POC5: variants seen among roughly 807,000 people sequenced by gnomAD.
POC5 encodes centrosomal protein POC5.
A neutral mutation model predicts 62.9 loss-of-function variants in POC5; 48 were observed. That is an observed-to-expected ratio of 0.76 (90% CI 0.61 to 0.97). The LOEUF (loss-of-function observed/expected upper bound fraction) is 0.97, where lower values mean the gene tolerates loss of function less well. Among genes scored for constraint, POC5 ranks in the 50% least tolerant of loss-of-function variants. The pLI is 0.00. For missense variants in POC5, 696 were observed against 679.5 expected, an observed-to-expected ratio of 1.02 and a Z score of -0.27; for synonymous variants, 236 against 228.2, an observed-to-expected ratio of 1.03 and a Z score of -0.31.
At chr5:75,684,347 C>T (rs1299002341) in intron 10 of POC5, among the ~76,000 whole-genome samples, 1 of 150,918 alleles carries the variant, frequency 6.6e-6, no homozygotes, top group Admixed American at 6.6e-5. Context: ...CAAATTAAAT[C>T]TACTTTTCCT....
intron 10 of POC5, among the ~76,000 whole-genome samples, chr5:75,682,347 C>T (rs1456114970): frequency 3.9e-5 from 6 of 152,118 alleles, no homozygotes; most frequent in Non-Finnish European, 7.4e-5. Flanking sequence ...AATCTAGCTC[C>T]GCGTGTGTTA....
At position 75,674,556 on chromosome 5, in the gene POC5, G is replaced by T. The variant is rs760243497; in HGVS notation, c.1607C>A (p.Ala536Glu). 6.4e-5 allele frequency: 103 copies of T among 1,613,796 alleles called. No homozygotes were observed. Among genetic ancestry groups the T allele is most frequent in the Non-Finnish European group, 8.1e-5 (95 of 1,179,866 alleles). Reference protein sequence around the residue: ...VTVQTIPQATAAKYPRTIHPE... With the variant: ...VTVQTIPQATEAKYPRTIHPE... Reference sequence around the variant, plus strand: ...ATGAATGGTCCGGGGATATTTTGCTGCAGTTGCTTGAGGAATGGTTTGCTG... The same window carrying T: ...ATGAATGGTCCGGGGATATTTTGCTTCAGTTGCTTGAGGAATGGTTTGCTG... The change falls in exon 12 of 12, where the codon GCA becomes GAA. Residue 536 changes from alanine to glutamate, a missense_variant. Ala to Glu is a moderately radical substitution (Grantham distance 107). Transcript: ENST00000428202.
At chr5:75,675,008 C>T (rs1775598659) in intron 11 of POC5, among the ~76,000 whole-genome samples, 4 of 152,182 alleles carry the variant, frequency 2.6e-5, no homozygotes, top group Admixed American at 2.6e-4. Context: ...GATTATCTCA[C>T]AATCCCAGGG....
At chr5:75,701,145 T>C (rs2112169155) in intron 5 of POC5, among the ~76,000 whole-genome samples, 1 of 136,366 alleles carries the variant, frequency 7.3e-6, no homozygotes, top group South Asian at 2.6e-4. Flanking sequence ...GTTCAACCAT[T>C]GTGGAAGTCA....
At chr5:75,710,740 G>A (rs1172324250) in intron 2 of POC5, among the ~76,000 whole-genome samples, 2 of 152,150 alleles carry the variant, frequency 1.3e-5, no homozygotes, top group Non-Finnish European at 2.9e-5. Context: ...TTAATATGAT[G>A]GTGATCTTAT....
At chr5:75,682,618 T>G (rs1284096580) in intron 10 of POC5, among the ~76,000 whole-genome samples, 1 of 149,604 alleles carries the variant, frequency 6.7e-6, no homozygotes, top group Non-Finnish European at 1.5e-5. Context: ...CGGGTTCAAG[T>G]GATTCTTCCA....
chr5:75,700,794 G>A (rs539660369), intron 5 of POC5, among the ~76,000 whole-genome samples: 4 of 139,230 alleles, frequency 2.9e-5, no homozygotes, highest in African/African-American at 7.6e-5. Flanking sequence ...CCTACAAAAC[G>A]GGAGAAAATT....
chr5:75,694,909 CAT>C, intron 5 of POC5, 78 bp from the exon 6 acceptor site: 2 of 1,048,422 alleles, frequency 1.9e-6, no homozygotes, highest in South Asian at 3.7e-5. Context: ...AATAAAGAAA[CAT>C]TAAAAAAATC....
intron 10 of POC5, among the ~76,000 whole-genome samples, chr5:75,679,211 C>G (rs1775785026): frequency 6.6e-6 from 1 of 152,054 alleles, no homozygotes; most frequent in Non-Finnish European, 1.5e-5. Context: ...ATGATGAAAC[C>G]AAAACCAGCT....
At chr5:75,696,608 G>A (rs1776603848) in intron 5 of POC5, among the ~76,000 whole-genome samples, 1 of 151,822 alleles carries the variant, frequency 6.6e-6, no homozygotes, top group African/African-American at 2.4e-5. Flanking sequence ...CAAAGATGGG[G>A]AAAAAACAGA....
At chr5:75,696,460 C>T (rs573472841) in intron 5 of POC5, among the ~76,000 whole-genome samples, 5 of 152,290 alleles carry the variant, frequency 3.3e-5, no homozygotes, top group Admixed American at 3.3e-4. Flanking sequence ...ACTGACACCT[C>T]ACACGGCCGG....
chr5:75,694,624 C>G (rs1474693026), intron 6 of POC5, 31 bp downstream of exon 6: 1 of 1,386,848 alleles, frequency 7.2e-7, no homozygotes, highest in East Asian at 2.5e-5. Context: ...TTTACTGAAT[C>G]TCAGTTAAAA....
chr5:75,702,151 G>A (rs541049620), intron 5 of POC5, among the ~76,000 whole-genome samples: 29 of 152,176 alleles, frequency 1.9e-4, no homozygotes, highest in African/African-American at 6.3e-4. Context: ...ATCACACACC[G>A]GGGCCTGTCA....
Position 75,707,185 on chromosome 5 carries a change from C to T in POC5, c.223+552G>A, listed in dbSNP as rs74329414. ...GAATGGAGGTAAAAGGAGCTTTATC[C>T]TCTTTTCTCCACTTTTCACTCATCT... On this transcript the variant is annotated intron_variant, in intron 3 of 11. Transcript: ENST00000428202. 2.3e-3 allele frequency among the ~76,000 whole-genome samples: 355 copies of T among 152,276 alleles called. 1 individual carries two copies. In the East Asian group the frequency reaches 0.03, roughly 13 times the overall value.
At chr5:75,684,241 G>C (rs943426757) in intron 10 of POC5, among the ~76,000 whole-genome samples, 39 of 152,028 alleles carry the variant, frequency 2.6e-4, no homozygotes, top group African/African-American at 9.2e-4. Context: ...GGTGTTAGCT[G>C]AATAGAAAAT....
chr5:75,714,336 C>G (rs1471749238), intron 1 of POC5, among the ~76,000 whole-genome samples: 1 of 151,910 alleles, frequency 6.6e-6, no homozygotes, highest in African/African-American at 2.4e-5. Context: ...GAGCCAAGAT[C>G]GCACCACTGC....
Position 75,691,774 on chromosome 5 carries a change from T to A in POC5, c.795+622A>T, listed in dbSNP as rs564823406. Among the ~76,000 whole-genome samples the A allele has an allele frequency of 5.9e-5, 9 of 152,294 alleles. No individual in the cohort carries two copies. The South Asian group carries it at 1.7e-3, about 28-fold the overall frequency. ...AACTATGTCTTGTTGTGGGATATAC[T>A]CATACTTTTCCACTTTTGATACAAC... On this transcript the variant is annotated intron_variant, in intron 7 of 11. Coordinates refer to ENST00000428202, the MANE Select transcript of POC5 (RefSeq NM_001099271.2).
chr5:75,697,883 C>A (rs1296251059), intron 5 of POC5, among the ~76,000 whole-genome samples: 7 of 146,318 alleles, frequency 4.8e-5, no homozygotes, highest in Admixed American at 2.1e-4. Context: ...ATCTACCAAG[C>A]CAATGGAAAA....
intron 10 of POC5, among the ~76,000 whole-genome samples, chr5:75,679,476 T>C (rs1403589427): frequency 6.6e-6 from 1 of 152,148 alleles, no homozygotes; most frequent in Non-Finnish European, 1.5e-5. Context: ...TCAGGAGAGA[T>C]GTCTCTGGGA....
Sources: allele counts gnomAD v4.1 joint callset (sites outside exome capture counted in the v4.1 genomes callset), GRCh38; gene constraint gnomAD v4.1.1; transcripts MANE v1.5; gene names NCBI Gene and HGNC (gene_info 2026-07-23, HGNC 2026-07-21).